Variants in BMS1 observed in about 807,000 individuals in gnomAD.
BMS1 encodes the protein ribosome biogenesis protein BMS1 homolog.
Under a neutral mutation model 138.7 loss-of-function variants are expected in BMS1, and 53 were observed. The observed-to-expected ratio is 0.38, with a 90% CI of 0.31 to 0.48. The LOEUF (loss-of-function observed/expected upper bound fraction) is 0.48. Ranked by LOEUF, BMS1 falls within the 20% of genes least tolerant of loss-of-function variation. The pLI is 0.97. For missense variants in BMS1, 1,360 were observed against 1,565.5 expected (o/e 0.87, Z 2.22); for synonymous variants, 504 against 539.9 (o/e 0.93, Z 0.92).
At position 42,816,609 on chromosome 10, in the gene BMS1, C is replaced by T. The variant is rs779056948; in HGVS notation, c.2340C>T (p.Tyr780=). Residue 780 remains tyrosine, a synonymous_variant, in exon 14 of 23, where the codon TAC becomes TAT. Coordinates refer to ENST00000374518, the MANE Select transcript of BMS1 (RefSeq NM_014753.4). Reference sequence around the variant, plus strand: ...GTGTTCTTTTCCCAGAGGAGCTCTACGGTGACTTTGAAGACTTGGAAACAG... The same window carrying T: ...GTGTTCTTTTCCCAGAGGAGCTCTATGGTGACTTTGAAGACTTGGAAACAG... ...AKVLAEDEEL[Y]GDFEDLETGD... is the part of the protein sequence containing the mutation. 1.4e-5 allele frequency: 22 copies of T among 1,610,534 alleles called. No homozygotes were observed. Among genetic ancestry groups the T allele is most frequent in the African/African-American group, 1.2e-4 (9 of 74,902 alleles).
intron 3 of BMS1, among the ~76,000 whole-genome samples, chr10:42,785,927 C>T (rs529699583): frequency 4.6e-5 from 7 of 152,256 alleles, no homozygotes; most frequent in Non-Finnish European, 8.8e-5. Context: ...ACCCAGCACT[C>T]GGGCTGGAAA....
chr10:42,786,589 CTTT>C (rs767043438), intron 3 of BMS1, among the ~76,000 whole-genome samples: 2 of 142,186 alleles, frequency 1.4e-5, no homozygotes, highest in Admixed American at 7.1e-5. Flanking sequence ...CTTTTTTTTC[CTTT>C]TTTTTTTTTT....
Position 42,792,621 on chromosome 10 carries a change from T to C in BMS1, c.901+7T>C. On this transcript the variant is annotated splice_region_variant and intron_variant, in intron 7 of 22. Coordinates refer to ENST00000374518, the MANE Select transcript of BMS1 (RefSeq NM_014753.4). ...AGCCAAATTCACATGCCAGGTATTCTCTTGTTGTAGAACATACTAGAATTA... is the reference window on the plus strand; with the variant it reads ...AGCCAAATTCACATGCCAGGTATTCCCTTGTTGTAGAACATACTAGAATTA... 6.2e-7 allele frequency: 1 copy of C among 1,604,654 alleles called. No individual in the cohort carries two copies.
intron 21 of BMS1, among the ~76,000 whole-genome samples, chr10:42,829,763 A>C (rs567180570): frequency 6.6e-6 from 1 of 151,770 alleles, no homozygotes; most frequent in African/African-American, 2.4e-5. Context: ...TGGAGGTTGC[A>C]TGAGCCGAGA....
chr10:42,818,825 G>T (rs982494083), intron 15 of BMS1, among the ~76,000 whole-genome samples: 3 of 152,182 alleles, frequency 2.0e-5, no homozygotes, highest in African/African-American at 4.8e-5. Flanking sequence ...GCGAGATGGG[G>T]CGATTGTGGC....
chr10:42,784,701 C>A, intron 2 of BMS1, 131 bp downstream of exon 2: 1 of 1,083,658 alleles, frequency 9.2e-7, no homozygotes, highest in Non-Finnish European at 1.3e-6. Flanking sequence ...TGGTGTGTGG[C>A]TTTCACTAAA....
chr10:42,783,970 G>C (rs1296181428), intron 1 of BMS1, among the ~76,000 whole-genome samples: 2 of 152,158 alleles, frequency 1.3e-5, no homozygotes, highest in Non-Finnish European at 2.9e-5. Flanking sequence ...TGACTATTTG[G>C]AGTTAGAATG....
intron 21 of BMS1, among the ~76,000 whole-genome samples, chr10:42,827,661 G>A (rs1842687028): frequency 6.6e-6 from 1 of 152,118 alleles, no homozygotes; most frequent in African/African-American, 2.4e-5. Flanking sequence ...CTGGGGGATG[G>A]GTGGTGGGGG....
chr10:42,792,808 G>A, intron 7 of BMS1, 149 bp from the exon 8 acceptor site: 1 of 1,258,808 alleles, frequency 7.9e-7, no homozygotes, highest in Non-Finnish European at 1.1e-6. Context: ...CTTGTAGCTA[G>A]GGGGCCACTG....
intron 13 of BMS1, among the ~76,000 whole-genome samples, chr10:42,804,527 T>C (rs374988189): frequency 6.6e-6 from 1 of 152,334 alleles, no homozygotes; most frequent in Admixed American, 6.5e-5. Flanking sequence ...TCTTCTTTGA[T>C]GAAATATCTG....
At chr10:42,802,052 C>A in intron 12 of BMS1, 85 bp from the exon 13 acceptor site, 1 of 995,222 alleles carries the variant, frequency 1.0e-6, no homozygotes, top group Non-Finnish European at 1.5e-6. Context: ...TATTTAAAGG[C>A]AAGTTGTCAC....
intron 21 of BMS1, among the ~76,000 whole-genome samples, chr10:42,825,136 G>A (rs1292716592): frequency 2.0e-5 from 3 of 152,108 alleles, no homozygotes; most frequent in Non-Finnish European, 4.4e-5. Flanking sequence ...AGCCTCCCAA[G>A]TAGCTGGGAC....
intron 3 of BMS1, among the ~76,000 whole-genome samples, 172 bp downstream of exon 3, chr10:42,785,844 A>G (rs1365697069): frequency 6.6e-6 from 1 of 152,206 alleles, no homozygotes; most frequent in Non-Finnish European, 1.5e-5. Flanking sequence ...GTAAGTTCCC[A>G]GAGATAAGGA....
chr10:42,797,368 G>T, intron 10 of BMS1, 54 bp from the exon 11 acceptor site: 1 of 1,600,014 alleles, frequency 6.2e-7, no homozygotes, highest in South Asian at 1.1e-5. Context: ...TGGATCTCAA[G>T]GGAGGGGAGA....
intron 4 of BMS1, 79 bp from the exon 5 acceptor site, chr10:42,790,244 C>T: frequency 5.7e-6 from 8 of 1,410,460 alleles, no homozygotes; most frequent in Middle Eastern, 5.1e-4. Flanking sequence ...CTGGATTTTG[C>T]CCGTGGCCAG....
chr10:42,792,028 C>T (rs1277525809), intron 6 of BMS1, among the ~76,000 whole-genome samples: 1 of 152,088 alleles, frequency 6.6e-6, no homozygotes, highest in African/African-American at 2.4e-5. Flanking sequence ...CTACGTTCAG[C>T]CTCAGTTTTC....
At position 42,830,995 on chromosome 10, in the gene BMS1, C is replaced by T. The variant is rs775825569; in HGVS notation, c.3748C>T (p.Arg1250Trp). Residue 1250 changes from arginine to tryptophan, a missense_variant, in exon 23 of 23, where the codon CGG (arginine) becomes TGG (tryptophan). Around this residue, in one of 3 missense-constraint regions of BMS1, gnomAD observed 425 missense variants for 568.3 expected, o/e 0.75. Transcript: ENST00000374518. ...GAAGGAGGAGGAGGAGAAGCTGAAG[C>T]GGCAGAAGGACCTCAGGAAGAAGCT... is the stretch of plus-strand genomic sequence containing the variant. ...KQKEEEEKLK[R>W]QKDLRKKLFR... 1.6e-5 allele frequency: 25 copies of T among 1,604,428 alleles called. No individual in the cohort carries two copies. Among genetic ancestry groups the T allele is most frequent in the African/African-American group, 8.0e-5 (6 of 74,674 alleles).
At chr10:42,825,888 A>T (rs1200368371) in intron 21 of BMS1, among the ~76,000 whole-genome samples, 1 of 152,204 alleles carries the variant, frequency 6.6e-6, no homozygotes, top group Non-Finnish European at 1.5e-5. Context: ...ACTAACTATT[A>T]TGTAGACTGT....
intron 15 of BMS1, among the ~76,000 whole-genome samples, chr10:42,819,448 T>A (rs558165536): frequency 1.3e-5 from 2 of 152,308 alleles, no homozygotes; most frequent in East Asian, 3.9e-4. Context: ...TAGCCACTCA[T>A]AGCTCCCCTA....
Sources: gnomAD v4.1 joint callset for allele counts (sites outside exome capture counted in the v4.1 genomes callset) on GRCh38, gnomAD v4.1.1 for gene constraint, gnomAD v4.1.1 regional missense constraint, MANE v1.5 for transcripts, NCBI Gene and HGNC (gene_info 2026-07-23, HGNC 2026-07-21) for gene names.